The following SCMH1 variants were observed in gnomAD, a reference collection of about 807,000 sequenced individuals.
SCMH1 encodes the protein polycomb protein SCMH1.
SCMH1 carries 37 observed loss-of-function variants against 70.8 expected under a neutral mutation model. The observed-to-expected ratio is 0.52, with a 90% CI of 0.40 to 0.69. The LOEUF (loss-of-function observed/expected upper bound fraction) is 0.69. SCMH1 is among the 30% of genes least tolerant of loss of function. The pLI, the probability that SCMH1 is intolerant of heterozygous loss-of-function variation, is 0.00. For missense variants in SCMH1, 607 were observed against 827.3 expected (o/e 0.73, Z 3.27); for synonymous variants, 292 against 307.4 (o/e 0.95, Z 0.52).
chr1:41,122,195 T>C (rs1433932786), intron 6 of SCMH1, among the ~76,000 whole-genome samples: 3 of 152,240 alleles, frequency 2.0e-5, no homozygotes, highest in African/African-American at 4.8e-5. Flanking sequence ...TTTACAAGGC[T>C]TACATGATCT....
chr1:41,092,592 A>G (rs1202878604), intron 8 of SCMH1, among the ~76,000 whole-genome samples: 1 of 152,238 alleles, frequency 6.6e-6, no homozygotes, highest in Non-Finnish European at 1.5e-5. Flanking sequence ...GGCAACCTAC[A>G]AAATGGGAGA....
intron 1 of SCMH1, among the ~76,000 whole-genome samples, chr1:41,217,282 A>G (rs1357857166): frequency 6.6e-6 from 1 of 152,226 alleles, no homozygotes; most frequent in East Asian, 1.9e-4. Context: ...AGAACTTACA[A>G]GTGATAAACT....
In SCMH1 at chr1:41,242,056, T is replaced by C. The variant is rs1234162104; in HGVS notation, c.-118+3A>G. ...CGGGCGGAGGCGGCCGCGAGGCGCT[T>C]ACCTGAGGGCGCGGCGGGGGCGCGG... On this transcript the variant is annotated splice_donor_region_variant and intron_variant, in intron 1 of 14. Transcript: ENST00000337495. The surrounding 1 kb of genome is among the most constrained non-coding windows in gnomAD (Gnocchi z 5.2). 6.6e-6 allele frequency: 1 copy of C among 151,928 alleles called. No homozygotes were observed. Among genetic ancestry groups the C allele is most frequent in the Non-Finnish European group, 1.5e-5 (1 of 67,846 alleles). The allele number at this position is 151,928 out of a possible 1,614,324, so 9.4% of individuals were successfully genotyped here.
intron 1 of SCMH1, among the ~76,000 whole-genome samples, chr1:41,213,826 T>C (rs1434399578): frequency 6.6e-6 from 1 of 152,134 alleles, no homozygotes; most frequent in African/African-American, 2.4e-5. Flanking sequence ...ATAAGGACTT[T>C]AGCCATGAAC....
chr1:41,035,412 C>T (rs189933779), intron 13 of SCMH1, among the ~76,000 whole-genome samples: 1 of 152,310 alleles, frequency 6.6e-6, no homozygotes, highest in East Asian at 1.9e-4. Flanking sequence ...GCAAACTGGC[C>T]AACTAGTCTC....
intron 8 of SCMH1, among the ~76,000 whole-genome samples, chr1:41,083,845 T>C (rs1410916985): frequency 1.3e-5 from 2 of 152,326 alleles, no homozygotes; most frequent in African/African-American, 4.8e-5. Flanking sequence ...ATCTGATCTT[T>C]GACAAACCTG....
intron 1 of SCMH1, among the ~76,000 whole-genome samples, chr1:41,202,681 G>C (rs533718682): frequency 6.6e-6 from 1 of 152,208 alleles, no homozygotes; most frequent in African/African-American, 2.4e-5. Flanking sequence ...GACTCACTAA[G>C]AGCACTGATT....
At chr1:41,206,033 T>G (rs751281306) in intron 1 of SCMH1, among the ~76,000 whole-genome samples, 19 of 152,218 alleles carry the variant, frequency 1.2e-4, no homozygotes, top group Non-Finnish European at 1.9e-4. Context: ...AAATCCCATC[T>G]GTAGGTCACC....
intron 8 of SCMH1, among the ~76,000 whole-genome samples, chr1:41,102,884 T>C (rs1487298788): frequency 6.6e-6 from 1 of 152,114 alleles, no homozygotes. Flanking sequence ...ACATTCCAGC[T>C]TTCCTTAGCA....
intron 7 of SCMH1, among the ~76,000 whole-genome samples, chr1:41,114,347 G>A (rs1483102516): frequency 6.6e-6 from 1 of 152,162 alleles, no homozygotes; most frequent in Non-Finnish European, 1.5e-5. Flanking sequence ...CAAAAAATGT[G>A]TTGTACATTC....
At chr1:41,209,781 G>T (rs1424090259) in intron 1 of SCMH1, among the ~76,000 whole-genome samples, 2 of 152,234 alleles carry the variant, frequency 1.3e-5, no homozygotes, top group Non-Finnish European at 2.9e-5. Context: ...GCCAACACTG[G>T]AAGCATTCCC....
At chr1:41,047,127 A>G (rs1372547181) in intron 11 of SCMH1, among the ~76,000 whole-genome samples, 3 of 152,188 alleles carry the variant, frequency 2.0e-5, no homozygotes, top group African/African-American at 7.2e-5. Flanking sequence ...ATAAAAATGT[A>G]TCAGTATAAA....
At position 41,113,569 on chromosome 1, in the gene SCMH1, G is replaced by T. The variant is rs1669746043; in HGVS notation, c.502-43C>A. 6.4e-7 allele frequency: 1 copy of T among 1,570,944 alleles called. No individual in the cohort carries two copies. The highest frequency in any genetic ancestry group is 1.4e-5 in the African/African-American group (1 of 73,074). On this transcript the variant is annotated intron_variant, in intron 7 of 14. Coordinates refer to ENST00000337495, the Ensembl canonical transcript of SCMH1. The surrounding 1 kb of genome is among the most constrained non-coding windows in gnomAD (Gnocchi z 4.3). ...ACATACACACCTAGACACAAAGAGA[G>T]GCCATTATGCCAATAGACTACTATC...
At chr1:41,143,748 GC>G (rs59032435) in intron 5 of SCMH1, among the ~76,000 whole-genome samples, 7,829 of 152,060 alleles carry the variant, frequency 0.051, 681 homozygotes, top group African/African-American at 0.18. Context: ...TCTTCTTCTG[GC>G]CCCTCCAGGA....
intron 6 of SCMH1, among the ~76,000 whole-genome samples, chr1:41,118,609 A>T (rs1671128828): frequency 6.6e-6 from 1 of 152,232 alleles, no homozygotes; most frequent in Admixed American, 6.5e-5. Context: ...AAGGAATGAC[A>T]TTGGAAAGGA....
At chr1:41,094,806 T>C (rs1664622166) in intron 8 of SCMH1, among the ~76,000 whole-genome samples, 1 of 151,298 alleles carries the variant, frequency 6.6e-6, no homozygotes, top group Non-Finnish European at 1.5e-5. Flanking sequence ...GGAGAATTGC[T>C]AGAACCCAGA....
chr1:41,035,831 C>T (rs1645220621), intron 13 of SCMH1, among the ~76,000 whole-genome samples: 1 of 150,528 alleles, frequency 6.6e-6, no homozygotes, highest in South Asian at 2.1e-4. Context: ...CACAATCTGC[C>T]TTCACCCCTC....
chr1:41,207,824 G>C (rs1655928032), intron 1 of SCMH1, among the ~76,000 whole-genome samples: 1 of 151,688 alleles, frequency 6.6e-6, no homozygotes, highest in Admixed American at 6.6e-5. Context: ...TTACACTGTT[G>C]GTGGGACTGT....
intron 6 of SCMH1, among the ~76,000 whole-genome samples, chr1:41,123,071 A>G: frequency 6.6e-6 from 1 of 152,184 alleles, no homozygotes; most frequent in East Asian, 1.9e-4. Flanking sequence ...AATACAAAAA[A>G]TTAGCTGGGT....
Sources: allele counts gnomAD v4.1 joint callset (sites outside exome capture counted in the v4.1 genomes callset), GRCh38; gene constraint gnomAD v4.1.1; non-coding constraint Gnocchi (gnomAD v3.1); transcripts MANE v1.5; gene names NCBI Gene and HGNC (gene_info 2026-07-23, HGNC 2026-07-21).